Variants in TSHZ2 observed in about 807,000 individuals in gnomAD.
TSHZ2 encodes the protein teashirt zinc finger homeobox 2, also known as teashirt homolog 2.
A neutral mutation model predicts 74.4 loss-of-function variants in TSHZ2; 21 were observed. That is an observed-to-expected ratio of 0.28 (90% confidence interval 0.20 to 0.41). The LOEUF is 0.41. Among genes scored for constraint, TSHZ2 ranks in the 10% least tolerant of loss-of-function variants. The pLI, the probability that TSHZ2 is intolerant of heterozygous loss-of-function variation, is 1.00. For missense variants in TSHZ2, 1,244 were observed against 1,293.5 expected, an observed-to-expected ratio of 0.96 and a Z score of 0.59; for synonymous variants, 540 against 515.3, an observed-to-expected ratio of 1.05 and a Z score of -0.65.
intron 1 of TSHZ2, among the ~76,000 whole-genome samples, chr20:53,156,609 TA>T (rs1323330342): frequency 2.6e-5 from 4 of 152,198 alleles, no homozygotes; most frequent in Non-Finnish European, 5.9e-5. Context: ...ATGTCAGGAC[TA>T]AAACCCAGAT....
chr20:53,396,564 G>A (rs974949520), intron 2 of TSHZ2, among the ~76,000 whole-genome samples: 1 of 152,084 alleles, frequency 6.6e-6, no homozygotes, highest in Non-Finnish European at 1.5e-5. Flanking sequence ...AAGAGAGAGA[G>A]ACCAGGTATG....
At chr20:53,308,095 C>T (rs969187767) in intron 2 of TSHZ2, among the ~76,000 whole-genome samples, 6 of 152,218 alleles carry the variant, frequency 3.9e-5, no homozygotes, top group Middle Eastern at 3.4e-3. Context: ...TGCATCTTTC[C>T]GAGAGCCTGA....
intron 1 of TSHZ2, among the ~76,000 whole-genome samples, chr20:53,078,901 G>A (rs1449508267): frequency 1.3e-5 from 2 of 152,212 alleles, no homozygotes; most frequent in East Asian, 1.9e-4. Context: ...AAGACCATTG[G>A]GTACTTATCT....
intron 2 of TSHZ2, among the ~76,000 whole-genome samples, chr20:53,323,563 C>CTTT (rs34687825): frequency 0.08 from 2,922 of 36,656 alleles, 1,136 homozygotes; most frequent in Non-Finnish European, 0.11. Context: ...CCTTGGAGGG[C>CTTT]TTTTTTTTTT....
At chr20:53,205,203 C>G (rs1989136712) in intron 1 of TSHZ2, among the ~76,000 whole-genome samples, 1 of 151,914 alleles carries the variant, frequency 6.6e-6, no homozygotes, top group South Asian at 2.1e-4. Context: ...GAGCAATTAA[C>G]CACTGTGCTA....
At chr20:52,989,568 G>C (rs1403560583) in intron 1 of TSHZ2, among the ~76,000 whole-genome samples, 1 of 152,094 alleles carries the variant, frequency 6.6e-6, no homozygotes, top group Non-Finnish European at 1.5e-5. Flanking sequence ...CTGTAAAATA[G>C]GCATAAGGAG....
At chr20:52,993,272 C>T (rs887317030) in intron 1 of TSHZ2, among the ~76,000 whole-genome samples, 1 of 152,150 alleles carries the variant, frequency 6.6e-6, no homozygotes, top group African/African-American at 2.4e-5. Flanking sequence ...TCACTGCATT[C>T]CCCCGGGCAA....
chr20:53,468,159 T>C (rs547723985), intron 2 of TSHZ2, among the ~76,000 whole-genome samples: 2 of 151,716 alleles, frequency 1.3e-5, no homozygotes, highest in South Asian at 4.2e-4. Flanking sequence ...GGGGGTGGAG[T>C]AGATAGCAGA....
chr20:53,292,269 AG>A (rs1991293217), intron 2 of TSHZ2, among the ~76,000 whole-genome samples: 1 of 152,124 alleles, frequency 6.6e-6, no homozygotes, highest in Non-Finnish European at 1.5e-5. Flanking sequence ...AGTTAATCTG[AG>A]ACCATCTGTG....
intron 2 of TSHZ2, among the ~76,000 whole-genome samples, chr20:53,469,821 AGAAAGAGAG>A (rs1985734037): frequency 7.7e-6 from 1 of 130,056 alleles, no homozygotes; most frequent in Admixed American, 7.7e-5. Flanking sequence ...ACAAAGATAG[AGAAAGAGAG>A]AGGGAGGAAG....
chr20:53,114,700 T>C (rs1986623118), intron 1 of TSHZ2, among the ~76,000 whole-genome samples: 1 of 152,140 alleles, frequency 6.6e-6, no homozygotes, highest in African/African-American at 2.4e-5. Flanking sequence ...AGAGGCAGTC[T>C]CTAGAGTTTA....
rs181098583 is a variant in TSHZ2, at chr20:53,195,091, G to T, written c.41-58408G>T. 3.5e-4 allele frequency among the ~76,000 whole-genome samples: 53 copies of T among 152,232 alleles called. 1 individual carries two copies. Among genetic ancestry groups the T allele is most frequent in the Admixed American group, 2.3e-3 (35 of 15,304 alleles). On this transcript the variant is annotated intron_variant, in intron 1 of 2. Transcript: ENST00000371497. ...CTGAAACTTGCAGGCAGAGGAGCAG[G>T]ACTTTTGCAGGGCCAGATCTCCCCT...
chr20:53,377,218 T>C (rs1981689540), intron 2 of TSHZ2, among the ~76,000 whole-genome samples: 1 of 152,256 alleles, frequency 6.6e-6, no homozygotes. Context: ...CTCTCTCTAC[T>C]GCATCAAGGA....
chr20:53,160,007 T>G (rs1293406), intron 1 of TSHZ2, among the ~76,000 whole-genome samples: 9,002 of 152,178 alleles, frequency 0.059, 331 homozygotes, highest in Non-Finnish European at 0.079. Context: ...AGGAGCTGAA[T>G]GATGAGCAGG....
chr20:53,475,798 T>C (rs1985974445), intron 2 of TSHZ2, among the ~76,000 whole-genome samples: 1 of 139,596 alleles, frequency 7.2e-6, no homozygotes, highest in Non-Finnish European at 1.5e-5. Flanking sequence ...AAGAATCAAA[T>C]AGACGCAATA....
intron 2 of TSHZ2, among the ~76,000 whole-genome samples, chr20:53,321,413 C>T (rs748552290): frequency 1.8e-4 from 27 of 152,152 alleles, no homozygotes; most frequent in Admixed American, 1.3e-3. Context: ...TTGTCAGGTG[C>T]GGTGGCTCAC....
chr20:52,985,829 T>C (rs1345658788), intron 1 of TSHZ2, among the ~76,000 whole-genome samples: 4 of 152,192 alleles, frequency 2.6e-5, no homozygotes, highest in East Asian at 3.9e-4. Context: ...TCTCCAATTA[T>C]GCAGTTTTAA....
chr20:53,358,450 C>T (rs1257097470), intron 2 of TSHZ2, among the ~76,000 whole-genome samples: 3 of 146,388 alleles, frequency 2.0e-5, no homozygotes, highest in East Asian at 4.1e-4. Flanking sequence ...AAGCAGTTCT[C>T]GTGCCTCAGC....
intron 2 of TSHZ2, among the ~76,000 whole-genome samples, chr20:53,405,056 C>T (rs976629485): frequency 2.0e-5 from 3 of 152,148 alleles, no homozygotes; most frequent in African/African-American, 7.2e-5. Flanking sequence ...TCGAAACCAG[C>T]CTGGCCACCA....
Sources: gnomAD v4.1 joint callset for allele counts (sites outside exome capture counted in the v4.1 genomes callset) on GRCh38, gnomAD v4.1.1 for gene constraint, MANE v1.5 for transcripts, NCBI Gene and HGNC (gene_info 2026-07-23, HGNC 2026-07-21) for gene names.